The following CUL2 variants were observed in gnomAD, a reference collection of about 807,000 sequenced individuals.
CUL2 encodes cullin-2.
Under a neutral mutation model 110.2 loss-of-function variants are expected in CUL2, and 22 were observed. The ratio of observed to expected loss-of-function variants is 0.20; its 90% CI spans 0.14 to 0.28. The LOEUF (loss-of-function observed/expected upper bound fraction) is 0.28. CUL2 is among the 10% of genes least tolerant of loss of function. The probability of loss-of-function intolerance (pLI) is 1.00; values close to 1 mark genes in which losing one functional copy is unlikely to be tolerated. For synonymous variants in CUL2, 279 were observed against 293.2 expected (o/e 0.95, Z 0.49); for missense variants, 631 against 905.5 (o/e 0.70, Z 3.89).
At chr10:35,073,081 A>G (rs1467541816) in intron 1 of CUL2, among the ~76,000 whole-genome samples, 1 of 152,178 alleles carries the variant, frequency 6.6e-6, no homozygotes, top group Non-Finnish European at 1.5e-5. Flanking sequence ...AAGGAATCCC[A>G]GGAATAGACT....
At chr10:35,091,112 T>A (rs562902505), upstream of CUL2, among the ~76,000 whole-genome samples, 8 of 152,314 alleles carry the variant, frequency 5.3e-5, no homozygotes, top group South Asian at 1.5e-3. Context: ...TGAAGGGTTT[T>A]CCTCCCTTGG....
chr10:35,065,425 C>G (rs757303119), intron 2 of CUL2, among the ~76,000 whole-genome samples: 6 of 152,100 alleles, frequency 3.9e-5, no homozygotes, highest in Non-Finnish European at 8.8e-5. Context: ...TCGAGACCAT[C>G]CTGGCTAACA....
intron 20 of CUL2, among the ~76,000 whole-genome samples, chr10:35,011,245 G>T (rs2084894898): frequency 6.8e-6 from 1 of 146,966 alleles, no homozygotes; most frequent in Admixed American, 6.8e-5. Flanking sequence ...GTGAGATGGG[G>T]TCTCCCTGTG....
intron 17 of CUL2, among the ~76,000 whole-genome samples, chr10:35,024,606 A>G (rs996310119): frequency 1.3e-5 from 2 of 152,210 alleles, no homozygotes; most frequent in Non-Finnish European, 2.9e-5. Flanking sequence ...AAGTAAGTGG[A>G]CTCCATTGTT....
intron 2 of CUL2, among the ~76,000 whole-genome samples, chr10:35,100,528 G>A (rs1201308830): frequency 6.6e-6 from 1 of 151,998 alleles, no homozygotes; most frequent in Non-Finnish European, 1.5e-5. Context: ...TTGGGAGGCC[G>A]AGGCAGGCGG....
At chr10:35,044,051 C>CAAAAAA (rs534515519) in intron 8 of CUL2, among the ~76,000 whole-genome samples, 2 of 87,812 alleles carry the variant, frequency 2.3e-5, no homozygotes, top group African/African-American at 9.1e-5. Context: ...ACCACATCTC[C>CAAAAAA]AAAAAAAAAA....
intron 17 of CUL2, among the ~76,000 whole-genome samples, chr10:35,019,984 G>A (rs922912915): frequency 6.6e-6 from 1 of 151,386 alleles, no homozygotes; most frequent in Non-Finnish European, 1.5e-5. Context: ...CCTTCATCAA[G>A]TGACCAAATT....
intron 1 of CUL2, among the ~76,000 whole-genome samples, chr10:35,115,453 G>A (rs1005854119): frequency 3.6e-4 from 55 of 152,110 alleles, no homozygotes; most frequent in Non-Finnish European, 6.6e-4. Context: ...CCAGCTACTC[G>A]GGAGGCTGAG....
chr10:35,049,800 T>G (rs1181336847), intron 5 of CUL2, 35 bp from the exon 6 acceptor site: 3 of 1,401,648 alleles, frequency 2.1e-6, no homozygotes, highest in Non-Finnish European at 3.0e-6. Flanking sequence ...AGGGCTGAAT[T>G]ACTTAGTATA....
intron 1 of CUL2, among the ~76,000 whole-genome samples, chr10:35,084,397 C>G (rs1295341151): frequency 6.6e-6 from 1 of 152,178 alleles, no homozygotes; most frequent in Non-Finnish European, 1.5e-5. Context: ...GGGTTCAAGG[C>G]ACCCCGGAAG....
chr10:35,010,089 C>A lies in CUL2; in HGVS notation c.*222G>T. On this transcript the variant is annotated 3_prime_UTR_variant, in exon 21 of 21. Coordinates refer to ENST00000374749, the MANE Select transcript of CUL2 (RefSeq NM_003591.4). ...ACTTTTCAGCAATACTTCACTCATT[C>A]TTTTAATAAAGTTTTAAGAAATGTC... 2 of 281,558 alleles carry A rather than the reference C, an allele frequency of 7.1e-6. No individual in the cohort carries two copies. The highest frequency in any genetic ancestry group is 1.4e-4 in the South Asian group (1 of 6,978). The allele number at this position is 281,558 out of a possible 1,614,324, so 17.4% of individuals were successfully genotyped here. A position where few individuals can be genotyped will look rare whatever the true frequency, so the allele number is the denominator to read the frequency against.
rs113387953 is a variant in CUL2 at position 35,099,110 on chromosome 10, G to A, written c.167+1734C>T. ...GGTGGTTGATCAATAATATTAACTT[G>A]GGCTGGGTGCATTGGCTCATGCCTT... is the stretch of plus-strand genomic sequence containing the variant. On this transcript the variant is annotated intron_variant, in intron 2 of 5. Coordinates refer to the CUL2 transcript ENST00000685421. Among the ~76,000 whole-genome samples the A allele has an allele frequency of 7.9e-5, 12 of 151,902 alleles. 1 individual carries two copies. The highest frequency in any genetic ancestry group is 2.9e-4 in the African/African-American group (12 of 41,448).
At chr10:35,012,214 G>A (rs1248576841) in intron 19 of CUL2, among the ~76,000 whole-genome samples, 1 of 151,802 alleles carries the variant, frequency 6.6e-6, no homozygotes, top group Non-Finnish European at 1.5e-5. Context: ...CCACAATATT[G>A]AGCAAATTAT....
intron 9 of CUL2, 50 bp downstream of exon 9, chr10:35,038,870 T>A: frequency 7.6e-7 from 1 of 1,316,412 alleles, no homozygotes; most frequent in Non-Finnish European, 1.0e-6. Flanking sequence ...GAGGATGATA[T>A]AAAAGGTGGA....
intron 1 of CUL2, 64 bp from the exon 2 acceptor site, chr10:35,071,403 G>A: frequency 6.9e-7 from 1 of 1,445,054 alleles, no homozygotes; most frequent in East Asian, 2.3e-5. Context: ...TTTTGTTGTT[G>A]TTTTTTGTTT....
At chr10:35,016,566 G>C (rs949590949) in intron 17 of CUL2, among the ~76,000 whole-genome samples, 172 bp from the exon 18 acceptor site, 1 of 152,136 alleles carries the variant, frequency 6.6e-6, no homozygotes, top group African/African-American at 2.4e-5. Flanking sequence ...GGTGAGGATG[G>C]AAGTCTATTA....
At position 35,089,491 on chromosome 10, in the gene CUL2, T is replaced by C. The variant is rs951759143; in HGVS notation, c.-23+688A>G. On this transcript the variant is annotated intron_variant, in intron 1 of 20. Coordinates refer to ENST00000374749, the MANE Select transcript of CUL2 (RefSeq NM_003591.4). ...TAGCGAACGTTAATATTTTGCATCT[T>C]ATCTTCAAAATTTAAACGCCCAGGG... Among the ~76,000 whole-genome samples, 4 of 152,364 alleles carry C rather than the reference T, an allele frequency of 2.6e-5. No individual in the cohort carries two copies. In the South Asian group the frequency reaches 8.3e-4, roughly 32 times the overall value.
intron 1 of CUL2, among the ~76,000 whole-genome samples, chr10:35,114,528 G>A (rs1189216813): frequency 4.0e-5 from 6 of 151,554 alleles, no homozygotes; most frequent in Middle Eastern, 3.4e-3. Context: ...GATTACAGGC[G>A]CCCGCCACCA....
At chr10:35,114,394 GT>G (rs909609100) in intron 1 of CUL2, among the ~76,000 whole-genome samples, 1 of 149,790 alleles carries the variant, frequency 6.7e-6, no homozygotes, top group Admixed American at 6.7e-5. Context: ...GTTGTTTTTT[GT>G]TTTTTTGAGA....
Sources: gnomAD v4.1 joint callset for allele counts (sites outside exome capture counted in the v4.1 genomes callset) on GRCh38, gnomAD v4.1.1 for gene constraint, MANE v1.5 for transcripts, NCBI Gene and HGNC (gene_info 2026-07-23, HGNC 2026-07-21) for gene names.